The following RNF213 variants were observed in gnomAD, a reference collection of about 807,000 sequenced individuals.
RNF213 encodes the protein E3 ubiquitin-protein ligase RNF213.
RNF213 carries 341 observed loss-of-function variants against 514.4 expected under a neutral mutation model. The ratio of observed to expected loss-of-function variants is 0.66; its 90% CI spans 0.61 to 0.73. The LOEUF (loss-of-function observed/expected upper bound fraction) is 0.73, where lower values mean the gene tolerates loss of function less well. Ranked by LOEUF, RNF213 falls within the 30% of genes least tolerant of loss-of-function variation. The pLI is 0.00. For missense variants in RNF213, 5,767 were observed against 6,615.6 expected (o/e 0.87, Z 4.45); for synonymous variants, 2,655 against 2,658.2 (o/e 1.00, Z 0.04).
chr17:80,313,852 A>T (rs2045693488), intron 15 of RNF213, among the ~76,000 whole-genome samples: 1 of 117,782 alleles, frequency 8.5e-6, no homozygotes, highest in South Asian at 2.7e-4. Context: ...GAGGTACTGG[A>T]GGTGATGGTG....
At chr17:80,330,644 G>T (rs923520121) in intron 20 of RNF213, among the ~76,000 whole-genome samples, 5 of 152,226 alleles carry the variant, frequency 3.3e-5, no homozygotes, top group African/African-American at 1.2e-4. Flanking sequence ...AGCTTCCTGA[G>T]AAAGGGGATG....
chr17:80,319,673 G>C (rs1032635787), intron 17 of RNF213: 1 of 1,453,360 alleles, frequency 6.9e-7, no homozygotes, highest in Non-Finnish European at 9.0e-7. Flanking sequence ...AGGTGTGCGG[G>C]AAGAGACTCC....
intron 50 of RNF213, among the ~76,000 whole-genome samples, chr17:80,375,426 T>C (rs1052919507): frequency 3.3e-5 from 5 of 151,822 alleles, no homozygotes; most frequent in Admixed American, 6.6e-5. Flanking sequence ...CAGGCAGCGG[T>C]GCGGGGGCGT....
At position 80,348,096 on chromosome 17, in the gene RNF213, C is replaced by T. The variant is rs2078376032; in HGVS notation, c.9761C>T (p.Ala3254Val). 6.2e-7 allele frequency: 1 copy of T among 1,614,002 alleles called. No homozygotes were observed. The highest frequency in any genetic ancestry group is 8.5e-7 in the Non-Finnish European group (1 of 1,180,054). The change falls in exon 29 of 68, where the codon GCC (alanine) becomes GTC (valine). Residue 3254 changes from alanine to valine, a missense_variant. Physicochemically the swap from Ala to Val is moderately conservative, Grantham distance 64. Transcript: ENST00000582970. ...CTTCACCAGAAGGTGTCTGAGGAGG[C>T]CAAATCGATCCTGCTGAACTGCGCT... ...EELHQKVSEE[A>V]KSILLNCATP...
intron 14 of RNF213, among the ~76,000 whole-genome samples, chr17:80,311,416 T>TG (rs902717727): frequency 1.3e-5 from 2 of 152,206 alleles, no homozygotes; most frequent in Non-Finnish European, 2.9e-5. Flanking sequence ...CCTGTGCTGC[T>TG]GGATTGTTCT....
intron 26 of RNF213, among the ~76,000 whole-genome samples, chr17:80,342,440 T>C (rs566203871): frequency 6.6e-6 from 1 of 152,244 alleles, no homozygotes; most frequent in South Asian, 2.1e-4. Context: ...TCTGATGTTA[T>C]GTTGCATCAG....
intron 17 of RNF213, among the ~76,000 whole-genome samples, chr17:80,323,834 T>TG (rs60020928): frequency 0.23 from 30,207 of 133,566 alleles, 3,552 homozygotes; most frequent in African/African-American, 0.29. Flanking sequence ...TACTTTTTTT[T>TG]GGGGGGGGGT....
At chr17:80,383,628 G>C in intron 58 of RNF213, 49 bp from the exon 59 acceptor site, 1 of 1,606,330 alleles carries the variant, frequency 6.2e-7, no homozygotes, top group Non-Finnish European at 8.5e-7. Context: ...CAATCTGTTT[G>C]TAGCAATACC....
rs545697690 is a variant in RNF213 at position 80,393,307 on chromosome 17, GGA to G, written c.15471-35_15471-34del. ...TTACACACGTGAGCCACCATGCTGA[GGA>G]GACTGTTTTAAATGCTCTCTTCTTT... On this transcript the variant is annotated intron_variant, in intron 67 of 67. Transcript: ENST00000582970. 185 of 1,606,502 alleles carry G rather than the reference GGA, an allele frequency of 1.2e-4. 1 individual carries two copies. In the African/African-American group the frequency reaches 2.1e-3, roughly 18 times the overall value.
chr17:80,265,717 A>T (rs1034451654), intron 2 of RNF213, among the ~76,000 whole-genome samples: 11 of 152,170 alleles, frequency 7.2e-5, no homozygotes, highest in Non-Finnish European at 5.9e-5. Context: ...CTCTCACGCG[A>T]TTAGCTGAGT....
intron 67 of RNF213, among the ~76,000 whole-genome samples, chr17:80,392,247 A>G (rs1255361948): frequency 6.6e-6 from 1 of 152,136 alleles, no homozygotes; most frequent in Non-Finnish European, 1.5e-5. Context: ...TACCATATAC[A>G]TTTATGTTCT....
rs2080179411 is a variant in RNF213 at position 80,385,089 on chromosome 17, A to C, written c.14373A>C (p.Gln4791His). The C allele has an allele frequency of 2.5e-6, 4 of 1,614,150 alleles. No homozygotes were observed. The highest frequency in any genetic ancestry group is 3.4e-6 in the Non-Finnish European group (4 of 1,180,030). The change falls in exon 60 of 68, where the codon CAA (glutamine) becomes CAC (histidine). Residue 4791 changes from glutamine (Q) to histidine (H), a missense_variant. Gln to His is a conservative substitution (Grantham distance 24). Around this residue, in one of 13 missense-constraint regions of RNF213, gnomAD observed 1,245 missense variants for 1,339.0 expected, o/e 0.93. Transcript: ENST00000582970. ...VKFLPEILAL[Q>H]RDLVKQFQNV... The stretch of plus-strand genomic sequence containing the variant: ...TCCTGCCTGAGATTTTGGCCTTGCA[A>C]AGGGATCTAGTGAAGCAGTTCCAGA...
chr17:80,349,324 G>A (rs776540390), intron 29 of RNF213, among the ~76,000 whole-genome samples: 1 of 152,198 alleles, frequency 6.6e-6, no homozygotes, highest in Non-Finnish European at 1.5e-5. Flanking sequence ...CTCGAGGAAC[G>A]TTTCGACTTG....
chr17:80,319,484 T>C, intron 17 of RNF213, 172 bp downstream of exon 17: 1 of 1,614,030 alleles, frequency 6.2e-7, no homozygotes, highest in Non-Finnish European at 8.5e-7. Flanking sequence ...AATCTAGTTC[T>C]CTCCGGATTC....
intron 47 of RNF213, 148 bp from the exon 48 acceptor site, chr17:80,372,373 T>C: frequency 1.5e-6 from 1 of 656,870 alleles, no homozygotes; most frequent in East Asian, 2.7e-5. Flanking sequence ...GAATGTTAGG[T>C]TTCCATAAGT....
rs2080115307 is a variant in RNF213, at chr17:80,383,703, G to A, written c.14097G>A (p.Met4699Ile). ...LEHLDKTLPTMNNLISQDKRI... is the reference protein window; with the variant it reads ...LEHLDKTLPTINNLISQDKRI... ...ATCTAGATAAAACCCTTCCCACCAT[G>A]AATAATCTCATCAGCCAAGATAAGC... is the stretch of plus-strand genomic sequence containing the variant. The change falls in exon 59 of 68, where the codon ATG becomes ATA. Residue 4699 changes from methionine to isoleucine, a missense_variant. Around this residue, in one of 13 missense-constraint regions of RNF213, gnomAD observed 1,245 missense variants for 1,339.0 expected, o/e 0.93. Coordinates refer to ENST00000582970, the MANE Select transcript of RNF213 (RefSeq NM_001256071.3). The A allele has an allele frequency of 6.2e-7, 1 of 1,613,588 alleles. No individual in the cohort carries two copies. The highest frequency in any genetic ancestry group is 1.7e-5 in the Admixed American group (1 of 59,942).
chr17:80,284,201 CA>C (rs138713917), intron 3 of RNF213, among the ~76,000 whole-genome samples: 183 of 140,644 alleles, frequency 1.3e-3, no homozygotes, highest in Middle Eastern at 7.0e-3. Context: ...TACAAAAATA[CA>C]AAAAAAAAAA....
chr17:80,347,908 CTG>C lies in RNF213; in HGVS notation c.9576_9577del (p.Ala3193ValfsTer23). Reference protein sequence around the residue: ...KWQKSIVEELCAWVEKFINVK... With the variant: ...KWQKSIVEELXAWVEKFINVK... ...GGCAGAAGAGCATCGTGGAGGAGCTCTGTGCGTGGGTGGAGAAGTTCATCAAT... is the reference window on the plus strand; with the variant it reads ...GGCAGAAGAGCATCGTGGAGGAGCTCTGCGTGGGTGGAGAAGTTCATCAAT... On this transcript the variant is annotated frameshift_variant, in exon 29 of 68. Coordinates refer to ENST00000582970, the MANE Select transcript of RNF213 (RefSeq NM_001256071.3). LOFTEE classifies it high-confidence loss of function. This position sits in a 1 kb window ranked among gnomAD's most constrained non-coding sequence, Gnocchi z 7.2. 6.2e-7 allele frequency: 1 copy of C among 1,614,168 alleles called. No individual in the cohort carries two copies. The highest frequency in any genetic ancestry group is 8.5e-7 in the Non-Finnish European group (1 of 1,180,024).
chr17:80,321,424 T>C (rs532473268), intron 17 of RNF213: 1 of 152,374 alleles, frequency 6.6e-6, no homozygotes, highest in East Asian at 1.9e-4. Flanking sequence ...GACGGCCATC[T>C]ATGTTGCTTC....
Sources: gnomAD v4.1 joint callset for allele counts (sites outside exome capture counted in the v4.1 genomes callset) on GRCh38, gnomAD v4.1.1 for gene constraint, gnomAD v4.1.1 regional missense constraint, Gnocchi (gnomAD v3.1) non-coding constraint, MANE v1.5 for transcripts, NCBI Gene and HGNC (gene_info 2026-07-23, HGNC 2026-07-21) for gene names.